Variants in DCDC1 observed in about 807,000 individuals in gnomAD.
The protein encoded by DCDC1 is doublecortin domain-containing protein 1.
A neutral mutation model predicts 178.3 loss-of-function variants in DCDC1; 200 were observed. The ratio of observed to expected loss-of-function variants is 1.12; its 90% confidence interval spans 1.00 to 1.26. The LOEUF (loss-of-function observed/expected upper bound fraction) is 1.26. DCDC1 is among the 50% of genes most tolerant of loss of function. The probability of loss-of-function intolerance (pLI) is 0.00; values close to 1 mark genes in which losing one functional copy is unlikely to be tolerated. For synonymous variants in DCDC1, 690 were observed against 604.8 expected, an observed-to-expected ratio of 1.14 and a Z score of -2.07; for missense variants, 1,983 against 1,749.2, an observed-to-expected ratio of 1.13 and a Z score of -2.38.
At chr11:31,111,299 A>T (rs1292025970) in intron 11 of DCDC1, among the ~76,000 whole-genome samples, 3 of 152,182 alleles carry the variant, frequency 2.0e-5, no homozygotes, top group Non-Finnish European at 4.4e-5. Flanking sequence ...AAAATGAAAA[A>T]AAAAAACTAC....
intron 9 of DCDC1, among the ~76,000 whole-genome samples, chr11:31,143,438 T>C (rs950314305): frequency 2.0e-5 from 3 of 152,136 alleles, no homozygotes; most frequent in African/African-American, 7.2e-5. Flanking sequence ...AGGGCATGGC[T>C]GATCCAATCA....
intron 9 of DCDC1, among the ~76,000 whole-genome samples, chr11:31,176,269 G>C (rs1281761920): frequency 1.8e-4 from 27 of 152,158 alleles, no homozygotes; most frequent in Admixed American, 1.8e-3. Flanking sequence ...TGATATAATT[G>C]AGAGTTTCAA....
intron 20 of DCDC1, among the ~76,000 whole-genome samples, chr11:31,020,280 C>T (rs571223488): frequency 1.3e-5 from 2 of 152,320 alleles, no homozygotes; most frequent in South Asian, 4.1e-4. Flanking sequence ...GACAACTTCA[C>T]AGATCCTTTG....
intron 9 of DCDC1, among the ~76,000 whole-genome samples, chr11:31,204,582 G>A (rs534250584): frequency 6.6e-6 from 1 of 152,160 alleles, no homozygotes; most frequent in Non-Finnish European, 1.5e-5. Context: ...CAGCACTTTG[G>A]GAGGCTGAGG....
At chr11:30,900,914 A>C (rs1302275281) in intron 32 of DCDC1, among the ~76,000 whole-genome samples, 2 of 152,074 alleles carry the variant, frequency 1.3e-5, no homozygotes, top group Non-Finnish European at 2.9e-5. Flanking sequence ...TTCTTTTTTT[A>C]AAAGAACAAA....
intron 36 of DCDC1, among the ~76,000 whole-genome samples, chr11:30,886,073 C>A (rs914400193): frequency 6.6e-6 from 1 of 151,198 alleles, no homozygotes. Flanking sequence ...GTGAACAGAC[C>A]AACTTGTAAA....
chr11:31,054,184 C>T (rs1452474862), intron 20 of DCDC1, among the ~76,000 whole-genome samples: 1 of 147,228 alleles, frequency 6.8e-6, no homozygotes, highest in Non-Finnish European at 1.5e-5. Flanking sequence ...CAACAGTGAC[C>T]AAGCAGAGAA....
chr11:31,334,695 T>G lies in DCDC1; in HGVS notation c.-7+752A>C, dbSNP rs578243668. On this transcript the variant is annotated intron_variant, in intron 2 of 38. Coordinates refer to ENST00000684477, the MANE Select transcript of DCDC1 (RefSeq NM_001387274.1). The stretch of plus-strand genomic sequence containing the variant: ...AAGTCCACTCCAGACCATGTTTGCC[T>G]GGGTATCACCAGCAGAGGATGCAGA... Among the ~76,000 whole-genome samples the G allele has an allele frequency of 3.3e-5, 5 of 152,322 alleles. No individual in the cohort carries two copies. The East Asian group carries it at 9.7e-4, about 29-fold the overall frequency.
chr11:31,242,318 AC>A, intron 8 of DCDC1, among the ~76,000 whole-genome samples: 1 of 152,112 alleles, frequency 6.6e-6, no homozygotes, highest in East Asian at 1.9e-4. Flanking sequence ...TAAGGAGTTG[AC>A]AAACATGTTT....
chr11:31,358,664 G>C (rs1422831996), intron 1 of DCDC1, among the ~76,000 whole-genome samples: 1 of 151,942 alleles, frequency 6.6e-6, no homozygotes, highest in African/African-American at 2.4e-5. Context: ...CTACAAAATG[G>C]GACAAAATTT....
chr11:31,056,783 A>T (rs918977409), intron 20 of DCDC1, among the ~76,000 whole-genome samples: 1 of 152,202 alleles, frequency 6.6e-6, no homozygotes, highest in African/African-American at 2.4e-5. Context: ...AGTATCAGTA[A>T]GTATATACAA....
At chr11:31,014,629 A>G (rs1023534745) in intron 20 of DCDC1, among the ~76,000 whole-genome samples, 2 of 152,188 alleles carry the variant, frequency 1.3e-5, no homozygotes, top group African/African-American at 4.8e-5. Context: ...AAACCAGCTT[A>G]AAAGCCTGCT....
chr11:31,338,062 G>C (rs755364202), intron 1 of DCDC1, among the ~76,000 whole-genome samples: 2 of 152,124 alleles, frequency 1.3e-5, no homozygotes, highest in Non-Finnish European at 2.9e-5. Context: ...CATCAGATGT[G>C]GTCAGGAAGT....
intron 20 of DCDC1, among the ~76,000 whole-genome samples, chr11:31,030,201 A>C (rs1953529599): frequency 6.6e-6 from 1 of 151,726 alleles, no homozygotes; most frequent in Non-Finnish European, 1.5e-5. Context: ...GGCTATTTAC[A>C]TTTTCACTCA....
intron 1 of DCDC1, among the ~76,000 whole-genome samples, chr11:31,355,001 A>C (rs1951263766): frequency 6.6e-6 from 1 of 151,824 alleles, no homozygotes; most frequent in Non-Finnish European, 1.5e-5. Flanking sequence ...TTGCACTGGG[A>C]CAACAGTGCA....
chr11:31,166,613 T>C (rs1463136958), intron 9 of DCDC1, among the ~76,000 whole-genome samples: 1 of 152,028 alleles, frequency 6.6e-6, no homozygotes, highest in East Asian at 1.9e-4. Flanking sequence ...GTACGTATGA[T>C]ATATGTGGGT....
At chr11:31,039,055 T>C (rs576632416) in intron 20 of DCDC1, among the ~76,000 whole-genome samples, 121 of 152,306 alleles carry the variant, frequency 7.9e-4, no homozygotes, top group Non-Finnish European at 1.4e-3. Flanking sequence ...AGTGTTGATA[T>C]CTAATATAGT....
chr11:31,257,588 A>C lies in DCDC1; in HGVS notation c.1054+7919T>G, dbSNP rs796712981. Among the ~76,000 whole-genome samples the C allele has an allele frequency of 2.0e-5, 3 of 152,188 alleles. No homozygotes were observed. The South Asian group carries it at 6.2e-4, about 32-fold the overall frequency. On this transcript the variant is annotated intron_variant, in intron 8 of 38. Transcript: ENST00000684477. The stretch of plus-strand genomic sequence containing the variant: ...TCAGAATAGAACAGTGTATGCATGA[A>C]AATAAGATAAAATAAGACAAACTGA...
intron 9 of DCDC1, among the ~76,000 whole-genome samples, chr11:31,173,932 A>G (rs11031302): frequency 0.084 from 12,786 of 152,244 alleles, 1,469 homozygotes; most frequent in African/African-American, 0.25. Context: ...AGCTGCTGCC[A>G]TGATGCTAGC....
Sources: allele counts gnomAD v4.1 joint callset (sites outside exome capture counted in the v4.1 genomes callset), GRCh38; gene constraint gnomAD v4.1.1; transcripts MANE v1.5; gene names NCBI Gene and HGNC (gene_info 2026-07-23, HGNC 2026-07-21).